Variants in PCDHGA4 observed in about 807,000 individuals in gnomAD.
PCDHGA4 encodes the protein protocadherin gamma-A4.
A neutral mutation model predicts 54.6 loss-of-function variants in PCDHGA4; 38 were observed. The ratio of observed to expected loss-of-function variants is 0.70; its 90% confidence interval spans 0.54 to 0.91. The LOEUF (loss-of-function observed/expected upper bound fraction) is 0.91, where lower values mean the gene tolerates loss of function less well. PCDHGA4 is among the 40% of genes least tolerant of loss of function. The pLI is 0.00. For synonymous variants in PCDHGA4, 511 were observed against 512.9 expected (o/e 1.00, Z 0.05); for missense variants, 1,298 against 1,220.9 (o/e 1.06, Z -0.94).
rs1384424498 is a variant in PCDHGA4, at chr5:141,431,677, G to A, written c.2515-63130G>A. On this transcript the variant is annotated intron_variant, in intron 1 of 3. Coordinates refer to ENST00000571252, the MANE Select transcript of PCDHGA4 (RefSeq NM_018917.4). This position sits in a 1 kb window ranked among gnomAD's most constrained non-coding sequence, Gnocchi z 4.8. The stretch of plus-strand genomic sequence containing the variant: ...CAGGGACAATATCAACAATAGGGGA[G>A]TTGGACCACGAGGAGTCAGGATTCT... 2 of 1,614,236 alleles carry A rather than the reference G, an allele frequency of 1.2e-6. No homozygotes were observed. The highest frequency in any genetic ancestry group is 1.7e-6 in the Non-Finnish European group (2 of 1,180,050).
Position 141,475,033 on chromosome 5 carries a change from A to G in PCDHGA4, c.2515-19774A>G, listed in dbSNP as rs1223709259. 2.0e-5 allele frequency among the ~76,000 whole-genome samples: 3 copies of G among 152,362 alleles called. No individual in the cohort carries two copies. In the East Asian group the frequency reaches 5.8e-4, roughly 29 times the overall value. ...TTAAGGCTCTTTATTCTGTGACTAA[A>G]GGCTTTGTATTTTCTAAAGATTTGT... is the stretch of plus-strand genomic sequence containing the variant. On this transcript the variant is annotated intron_variant, in intron 1 of 3. Transcript: ENST00000571252.
intron 1 of PCDHGA4, among the ~76,000 whole-genome samples, chr5:141,438,621 TATATATATATATATAC>T (rs1472935962): frequency 0.016 from 652 of 41,356 alleles, 15 homozygotes; most frequent in East Asian, 0.15. Flanking sequence ...TATATATATA[TATATATATATATATAC>T]ACACACACAC....
At chr5:141,497,461 A>G (rs541848982) in intron 2 of PCDHGA4, among the ~76,000 whole-genome samples, 2 of 151,526 alleles carry the variant, frequency 1.3e-5, no homozygotes, top group Admixed American at 1.3e-4. Context: ...GCTCTTGGAG[A>G]TATGGAGGAG....
At chr5:141,482,809 T>C (rs1295469639) in intron 1 of PCDHGA4, among the ~76,000 whole-genome samples, 1 of 152,170 alleles carries the variant, frequency 6.6e-6, no homozygotes, top group Non-Finnish European at 1.5e-5. Flanking sequence ...CGGTGGCTCA[T>C]GCCTGTAATC....
Position 141,361,516 on chromosome 5 carries a change from G to A in PCDHGA4, c.2514+3895G>A, listed in dbSNP as rs750174731. ...CCAACAGACTTCCTACATGGTTCAC[G>A]TGGCAGAGAACAATCCTCCTGGCGC... is the stretch of plus-strand genomic sequence containing the variant. On this transcript the variant is annotated intron_variant, in intron 1 of 3. Coordinates refer to ENST00000571252, the MANE Select transcript of PCDHGA4 (RefSeq NM_018917.4). The A allele has an allele frequency of 8.7e-6, 14 of 1,613,942 alleles. No homozygotes were observed. Among genetic ancestry groups the A allele is most frequent in the South Asian group, 7.7e-5 (7 of 91,088 alleles).
intron 1 of PCDHGA4, chr5:141,399,174 T>A: frequency 6.2e-7 from 1 of 1,613,818 alleles, no homozygotes; most frequent in Non-Finnish European, 8.5e-7. Flanking sequence ...ATTCTCTACT[T>A]GAAATGATTC....
Position 141,477,864 on chromosome 5 carries a change from G to A in PCDHGA4, c.2515-16943G>A, listed in dbSNP as rs775055164. On this transcript the variant is annotated intron_variant, in intron 1 of 3. Transcript: ENST00000571252. The surrounding 1 kb of genome is among the most constrained non-coding windows in gnomAD (Gnocchi z 4.9). Reference sequence around the variant, plus strand: ...AGCTCGGTGGAGATGCTGCCTCGAGGTACCTCAGCTGGCCACCTAGTGTCA... The same window carrying A: ...AGCTCGGTGGAGATGCTGCCTCGAGATACCTCAGCTGGCCACCTAGTGTCA... 1.2e-6 allele frequency: 2 copies of A among 1,613,122 alleles called. No homozygotes were observed. The highest frequency in any genetic ancestry group is 4.5e-5 in the East Asian group (2 of 44,822).
At chr5:141,450,888 G>C (rs1038570371) in intron 1 of PCDHGA4, among the ~76,000 whole-genome samples, 27 of 145,380 alleles carry the variant, frequency 1.9e-4, no homozygotes, top group Non-Finnish European at 3.9e-4. Flanking sequence ...GCAGTGGTGC[G>C]ATATCGGCTC....
At chr5:141,403,092 A>C in intron 1 of PCDHGA4, 4 of 1,614,086 alleles carry the variant, frequency 2.5e-6, no homozygotes, top group Non-Finnish European at 3.4e-6. Flanking sequence ...ATTGTGGGCA[A>C]CATCTCCAAG....
At chr5:141,441,984 A>G (rs1202392318) in intron 1 of PCDHGA4, 4 of 275,400 alleles carry the variant, frequency 1.5e-5, no homozygotes, top group South Asian at 7.2e-5. Flanking sequence ...TGGAATGCGC[A>G]CCGACGAGGT....
At chr5:141,423,837 A>G (rs73792199) in intron 1 of PCDHGA4, 16,285 of 1,277,458 alleles carry the variant, frequency 0.013, 610 homozygotes, top group African/African-American at 0.098. Context: ...TGAGATTACG[A>G]TAATCTTTCA....
rs889945954 is a variant in PCDHGA4, at chr5:141,489,368, C to A, written c.2515-5439C>A. The A allele has an allele frequency of 2.5e-6, 4 of 1,613,384 alleles. No homozygotes were observed. Among genetic ancestry groups the A allele is most frequent in the Non-Finnish European group, 3.4e-6 (4 of 1,179,478 alleles). On this transcript the variant is annotated intron_variant, in intron 1 of 3. Coordinates refer to ENST00000571252, the MANE Select transcript of PCDHGA4 (RefSeq NM_018917.4). The surrounding 1 kb of genome is among the most constrained non-coding windows in gnomAD (Gnocchi z 4.5). ...GTGGTGGAGGAGTCTGAGCCGGGGA[C>A]GCTGGTGGGGAATGTTGCTCAGGAT...
At chr5:141,400,181 A>G (rs1188334062) in intron 1 of PCDHGA4, 14 of 1,614,034 alleles carry the variant, frequency 8.7e-6, no homozygotes, top group Non-Finnish European at 1.1e-5. Flanking sequence ...GCTGAGCTGC[A>G]GTTTTACCTA....
At chr5:141,357,776 T>C (rs1045078426) in intron 1 of PCDHGA4, 155 bp downstream of exon 1, 19 of 906,498 alleles carry the variant, frequency 2.1e-5, no homozygotes, top group Non-Finnish European at 2.8e-5. Flanking sequence ...CCAATAATGA[T>C]CAACAGTATT....
intron 1 of PCDHGA4, chr5:141,395,364 AT>A: frequency 1.6e-6 from 2 of 1,264,440 alleles, no homozygotes; most frequent in Non-Finnish European, 2.1e-6. Context: ...TTTTGGGTTT[AT>A]TTTGGTGGTG....
rs1247067983 is a variant in PCDHGA4, at chr5:141,511,327, C to T, written c.*154C>T. ...CCCTTGGGAAACAGAAACAAGTGCC[C>T]AGTCAGCACCTACCCCTTCCCCCCC... On this transcript the variant is annotated 3_prime_UTR_variant, in exon 4 of 4. Transcript: ENST00000571252. 28 of 1,455,454 alleles carry T rather than the reference C, an allele frequency of 1.9e-5. No individual in the cohort carries two copies. Among genetic ancestry groups the T allele is most frequent in the Admixed American group, 2.4e-5 (1 of 41,734 alleles). 90.2% of individuals were successfully genotyped at this position (1,455,454 alleles called of 1,614,324 possible). A position where few individuals can be genotyped will look rare whatever the true frequency, so the allele number is the denominator to read the frequency against.
chr5:141,460,834 A>G (rs757757290), intron 1 of PCDHGA4, among the ~76,000 whole-genome samples: 11 of 151,874 alleles, frequency 7.2e-5, no homozygotes, highest in Non-Finnish European at 1.3e-4. Context: ...CACTTAAAGT[A>G]ATGGCCTCCA....
intron 1 of PCDHGA4, among the ~76,000 whole-genome samples, chr5:141,358,001 G>A (rs1489024342): frequency 6.6e-6 from 1 of 152,098 alleles, no homozygotes; most frequent in East Asian, 1.9e-4. Flanking sequence ...ACCAGTCTGG[G>A]CAACATGGTG....
chr5:141,365,484 C>T (rs1763944357), intron 1 of PCDHGA4: 1 of 1,613,876 alleles, frequency 6.2e-7, no homozygotes, highest in African/African-American at 1.3e-5. Flanking sequence ...ATTGCATGCT[C>T]TATTCCTAGG....
Sources: allele counts gnomAD v4.1 joint callset (sites outside exome capture counted in the v4.1 genomes callset), GRCh38; gene constraint gnomAD v4.1.1; non-coding constraint Gnocchi (gnomAD v3.1); transcripts MANE v1.5; gene names NCBI Gene and HGNC (gene_info 2026-07-23, HGNC 2026-07-21).